COL14A1: variants seen among roughly 807,000 people sequenced by gnomAD.
COL14A1 encodes collagen type XIV alpha 1 chain.
In COL14A1, 136 loss-of-function variants were observed where a neutral mutation model predicts 230.3. The ratio of observed to expected loss-of-function variants is 0.59; its 90% confidence interval spans 0.51 to 0.68. The LOEUF (loss-of-function observed/expected upper bound fraction) is 0.68. COL14A1 is among the 30% of genes least tolerant of loss of function. COL14A1 has a pLI of 0.00. For synonymous variants in COL14A1, 792 were observed against 784.1 expected, an observed-to-expected ratio of 1.01 and a Z score of -0.17; for missense variants, 1,976 against 2,215.8, an observed-to-expected ratio of 0.89 and a Z score of 2.17.
chr8:120,209,977 T>G (rs1216280648), intron 12 of COL14A1, 76 bp downstream of exon 12: 3 of 1,189,502 alleles, frequency 2.5e-6, no homozygotes, highest in Non-Finnish European at 2.2e-6. Context: ...TTGTAAAAAT[T>G]TAATGTAGAA....
At chr8:120,286,884 C>T (rs545845560) in intron 33 of COL14A1, among the ~76,000 whole-genome samples, 1 of 152,190 alleles carries the variant, frequency 6.6e-6, no homozygotes. Context: ...GAAACACTTA[C>T]CTGTGGTGAT....
At chr8:120,148,319 A>G (rs1226960513) in intron 2 of COL14A1, among the ~76,000 whole-genome samples, 1 of 151,642 alleles carries the variant, frequency 6.6e-6, no homozygotes, top group Non-Finnish European at 1.5e-5. Context: ...TTTTAGTAGA[A>G]ACAGGGTTTC....
intron 45 of COL14A1, among the ~76,000 whole-genome samples, chr8:120,347,101 C>G (rs984146020): frequency 6.6e-6 from 1 of 152,092 alleles, no homozygotes; most frequent in Non-Finnish European, 1.5e-5. Context: ...GAGCCAGCAC[C>G]TGAGTCATTC....
intron 20 of COL14A1, among the ~76,000 whole-genome samples, chr8:120,246,477 A>G (rs942087528): frequency 6.7e-6 from 1 of 149,290 alleles, no homozygotes; most frequent in African/African-American, 2.4e-5. Flanking sequence ...TGTTGCTGCT[A>G]AATAAATGTT....
At chr8:120,221,777 G>C (rs565455320) in intron 14 of COL14A1, among the ~76,000 whole-genome samples, 2 of 152,296 alleles carry the variant, frequency 1.3e-5, no homozygotes, top group African/African-American at 4.8e-5. Context: ...TAGTTAAGCT[G>C]TTTGGGCCTC....
intron 24 of COL14A1, among the ~76,000 whole-genome samples, chr8:120,266,202 A>G (rs1297538874): frequency 1.3e-5 from 2 of 152,054 alleles, no homozygotes; most frequent in African/African-American, 4.8e-5. Flanking sequence ...ACTCTGATCT[A>G]ACTGTCCCCA....
At chr8:120,156,761 A>T (rs1815495084) in intron 2 of COL14A1, among the ~76,000 whole-genome samples, 1 of 152,158 alleles carries the variant, frequency 6.6e-6, no homozygotes, top group African/African-American at 2.4e-5. Context: ...TCCTTTGCAA[A>T]AAGTATTGCC....
chr8:120,298,761 A>G (rs149798571), intron 35 of COL14A1, among the ~76,000 whole-genome samples: 1 of 150,280 alleles, frequency 6.7e-6, no homozygotes, highest in African/African-American at 2.4e-5. Context: ...AGCATGGGGA[A>G]CCCTTCATGA....
At position 120,216,513 on chromosome 8, in the gene COL14A1, T is replaced by G. The variant is rs200761938; in HGVS notation, c.1737+23T>G. 97 of 1,598,824 alleles carry G rather than the reference T, an allele frequency of 6.1e-5. No individual in the cohort carries two copies. In the East Asian group the frequency reaches 2.1e-3, roughly 34 times the overall value. On this transcript the variant is annotated intron_variant, in intron 14 of 47. Transcript: ENST00000297848. ...GAGGTAAGTTCCGGGACATAATGTA[T>G]ATTTTTTAGGTAGTGGCGTGCTAGT... is the stretch of plus-strand genomic sequence containing the variant.
rs571931977 is a variant in COL14A1, at chr8:120,304,144, G to A, written c.4401+3326G>A. On this transcript the variant is annotated intron_variant, in intron 36 of 47. Coordinates refer to ENST00000297848, the MANE Select transcript of COL14A1 (RefSeq NM_021110.4). ...ATCTTCTTTCTTTTCTGCTTTATTA[G>A]TCTAGCTGGTGGCTTATCTATCTTA... 1.2e-3 allele frequency among the ~76,000 whole-genome samples: 190 copies of A among 152,074 alleles called. 1 individual carries two copies. The highest frequency in any genetic ancestry group is 4.5e-3 in the African/African-American group (185 of 41,526).
intron 21 of COL14A1, 26 bp downstream of exon 21, chr8:120,247,761 T>C (rs753096006): frequency 1.2e-6 from 2 of 1,610,664 alleles, no homozygotes; most frequent in Non-Finnish European, 1.7e-6. Context: ...TAAATAATGT[T>C]GATACCATGA....
At position 120,263,901 on chromosome 8, in the gene COL14A1, G is replaced by A. The variant is rs141658836; in HGVS notation, c.3016+887G>A. 7.5e-3 allele frequency among the ~76,000 whole-genome samples: 1,136 copies of A among 152,186 alleles called. 14 individuals are homozygous for A. The highest frequency in any genetic ancestry group is 0.025 in the African/African-American group (1,039 of 41,522). ...AATAAATTAAATCATCTTCTTTTAC[G>A]TAATACAAAGACTTTATTTCACAAC... On this transcript the variant is annotated intron_variant, in intron 24 of 47. Transcript: ENST00000297848.
At chr8:120,259,288 T>C (rs1191024739) in intron 23 of COL14A1, among the ~76,000 whole-genome samples, 3 of 152,186 alleles carry the variant, frequency 2.0e-5, no homozygotes, top group Non-Finnish European at 4.4e-5. Flanking sequence ...GTAGGACATT[T>C]TGATAAGTCA....
intron 3 of COL14A1, 149 bp downstream of exon 3, chr8:120,158,395 A>C: frequency 1.6e-6 from 1 of 613,544 alleles, no homozygotes; most frequent in East Asian, 3.0e-5. Context: ...CCCTCTAATC[A>C]AGGTAATAAT....
In COL14A1 at chr8:120,148,942, G is replaced by A. The variant is rs180916926; in HGVS notation, c.88+1012G>A. Among the ~76,000 whole-genome samples, 392 of 152,272 alleles carry A rather than the reference G, an allele frequency of 2.6e-3. 2 individuals are homozygous for A. Among genetic ancestry groups the A allele is most frequent in the African/African-American group, 7.9e-3 (327 of 41,546 alleles). ...TATAAATAAAGTTTTAGTGGCGCAC[G>A]TCATGCACATTTGTTTACATATTGT... On this transcript the variant is annotated intron_variant, in intron 2 of 47. Coordinates refer to ENST00000297848, the MANE Select transcript of COL14A1 (RefSeq NM_021110.4).
At chr8:120,141,314 G>T (rs1446065129) in intron 1 of COL14A1, among the ~76,000 whole-genome samples, 1 of 152,144 alleles carries the variant, frequency 6.6e-6, no homozygotes. Flanking sequence ...AGTCTGAGAA[G>T]GGGGAGTTGC....
chr8:120,369,546 C>A (rs1586905370), intron 47 of COL14A1, 61 bp downstream of exon 47: 2 of 1,394,494 alleles, frequency 1.4e-6, no homozygotes, highest in Non-Finnish European at 1.9e-6. Flanking sequence ...TGCTTAGTAC[C>A]AAAATGGGAA....
At chr8:120,197,378 A>G (rs566492040) in intron 6 of COL14A1, among the ~76,000 whole-genome samples, 1 of 152,244 alleles carries the variant, frequency 6.6e-6, no homozygotes, top group East Asian at 1.9e-4. Context: ...TTTGAGCAAT[A>G]TTGAGCAATT....
chr8:120,152,384 G>A (rs1586719980), intron 2 of COL14A1, among the ~76,000 whole-genome samples: 1 of 148,216 alleles, frequency 6.7e-6, no homozygotes, highest in African/African-American at 2.5e-5. Flanking sequence ...GCAGGAGAAT[G>A]GCGTGAACCT....
Sources: gnomAD v4.1 joint callset for allele counts (sites outside exome capture counted in the v4.1 genomes callset) on GRCh38, gnomAD v4.1.1 for gene constraint, MANE v1.5 for transcripts, NCBI Gene and HGNC (gene_info 2026-07-23, HGNC 2026-07-21) for gene names.